Variants in KCNIP4 observed in about 807,000 individuals in gnomAD.
The protein encoded by KCNIP4 is Kv channel-interacting protein 4.
A neutral mutation model predicts 34.0 loss-of-function variants in KCNIP4; 12 were observed. The ratio of observed to expected loss-of-function variants is 0.35; its 90% CI spans 0.23 to 0.57. The LOEUF (loss-of-function observed/expected upper bound fraction) is 0.57. Among genes scored for constraint, KCNIP4 ranks in the 20% least tolerant of loss-of-function variants. The pLI is 0.83. For missense variants in KCNIP4, 238 were observed against 311.7 expected, an observed-to-expected ratio of 0.76 and a Z score of 1.78; for synonymous variants, 124 against 102.2, an observed-to-expected ratio of 1.21 and a Z score of -1.29.
At chr4:20,808,242 T>C (rs1237252517) in intron 3 of KCNIP4, among the ~76,000 whole-genome samples, 1 of 152,124 alleles carries the variant, frequency 6.6e-6, no homozygotes, top group Non-Finnish European at 1.5e-5. Flanking sequence ...AGCGTGACAA[T>C]GCAAAATTCT....
intron 1 of KCNIP4, among the ~76,000 whole-genome samples, chr4:21,742,479 A>T (rs1716481324): frequency 6.6e-6 from 1 of 152,206 alleles, no homozygotes; most frequent in South Asian, 2.1e-4. Flanking sequence ...CTCATTGCAA[A>T]GTAGAAAGCT....
At chr4:21,346,350 T>G (rs1023713598) in intron 1 of KCNIP4, among the ~76,000 whole-genome samples, 28 of 135,526 alleles carry the variant, frequency 2.1e-4, no homozygotes, top group African/African-American at 7.2e-4. Flanking sequence ...TATAATAGCC[T>G]TGTAGCCAAG....
In KCNIP4 at chr4:21,331,684, G is replaced by A. The variant is rs1305773636; in HGVS notation, c.62-448975C>T. Among the ~76,000 whole-genome samples, 8 of 64,048 alleles carry A rather than the reference G, an allele frequency of 1.2e-4. No individual in the cohort carries two copies. In the South Asian group the frequency reaches 4.6e-3, roughly 37 times the overall value. 42.0% of individuals were successfully genotyped at this position (64,048 alleles called of 152,430 possible). A position where few individuals can be genotyped will look rare whatever the true frequency, so the allele number is the denominator to read the frequency against. ...TCACAAGAAATATTGCCTTACATATGTCCTTTTTATGGAACATTCTCTTCT... is the reference window on the plus strand; with the variant it reads ...TCACAAGAAATATTGCCTTACATATATCCTTTTTATGGAACATTCTCTTCT... On this transcript the variant is annotated intron_variant, in intron 1 of 8. Transcript: ENST00000382152.
intron 1 of KCNIP4, among the ~76,000 whole-genome samples, chr4:21,891,413 A>T (rs908436883): frequency 1.3e-5 from 2 of 152,128 alleles, no homozygotes; most frequent in Non-Finnish European, 2.9e-5. Flanking sequence ...ATTCCATAGG[A>T]AAGTTCCATA....
chr4:21,054,974 C>T lies in KCNIP4; in HGVS notation c.62-172265G>A, dbSNP rs114561372. ...TGCTAAAGGAAATGTTAAGAAAATG[C>T]GAGACATCATACACTGCAAGAAAAT... On this transcript the variant is annotated intron_variant, in intron 1 of 8. Transcript: ENST00000382152. Among the ~76,000 whole-genome samples, 4 of 151,824 alleles carry T rather than the reference C, an allele frequency of 2.6e-5. 1 individual carries two copies. Among genetic ancestry groups the T allele is most frequent in the South Asian group, 4.1e-4 (2 of 4,820 alleles).
intron 1 of KCNIP4, among the ~76,000 whole-genome samples, chr4:21,063,485 T>A (rs1744098873): frequency 6.6e-6 from 1 of 152,178 alleles, no homozygotes; most frequent in Non-Finnish European, 1.5e-5. Context: ...ACTTATTAAG[T>A]GTCTTCATCC....
At chr4:20,732,239 GCC>G (rs1206451519) in intron 7 of KCNIP4, among the ~76,000 whole-genome samples, 171 bp from the exon 8 acceptor site, 3 of 152,166 alleles carry the variant, frequency 2.0e-5, no homozygotes, top group Admixed American at 1.3e-4. Context: ...AAATGATAGG[GCC>G]AAATGCTTCT....
At chr4:20,873,419 G>A (rs1270415155) in intron 2 of KCNIP4, among the ~76,000 whole-genome samples, 2 of 152,102 alleles carry the variant, frequency 1.3e-5, no homozygotes, top group Non-Finnish European at 2.9e-5. Context: ...GACTTTTCAA[G>A]CAGTTTCCAA....
intron 1 of KCNIP4, among the ~76,000 whole-genome samples, chr4:21,802,938 A>G (rs1411998230): frequency 6.6e-6 from 1 of 152,150 alleles, no homozygotes; most frequent in African/African-American, 2.4e-5. Context: ...GGGCTTTAAA[A>G]TGGCCAATTA....
At chr4:21,544,853 A>G (rs1366675819) in intron 1 of KCNIP4, among the ~76,000 whole-genome samples, 1 of 151,764 alleles carries the variant, frequency 6.6e-6, no homozygotes, top group East Asian at 2.0e-4. Flanking sequence ...TTCATAATAA[A>G]CTTGCTTCAA....
At chr4:21,722,435 A>C (rs1184690693) in intron 1 of KCNIP4, among the ~76,000 whole-genome samples, 2 of 152,176 alleles carry the variant, frequency 1.3e-5, no homozygotes, top group East Asian at 3.8e-4. Flanking sequence ...AGAGAAAACA[A>C]GGAAATCCCA....
At chr4:21,020,133 C>A (rs991337042) in intron 1 of KCNIP4, among the ~76,000 whole-genome samples, 1 of 152,166 alleles carries the variant, frequency 6.6e-6, no homozygotes. Flanking sequence ...TAATACTTAT[C>A]TAGCCCTTAA....
At chr4:21,497,863 C>T (rs530368973) in intron 1 of KCNIP4, among the ~76,000 whole-genome samples, 12 of 152,092 alleles carry the variant, frequency 7.9e-5, no homozygotes, top group African/African-American at 2.7e-4. Flanking sequence ...ACAATAAAAA[C>T]GTCATATCCA....
intron 1 of KCNIP4, among the ~76,000 whole-genome samples, chr4:21,493,769 G>C (rs1280587857): frequency 6.6e-6 from 1 of 152,138 alleles, no homozygotes; most frequent in Non-Finnish European, 1.5e-5. Context: ...GTAGATCTAA[G>C]ACTCCCTACC....
At chr4:20,746,848 C>G (rs187380186) in intron 5 of KCNIP4, among the ~76,000 whole-genome samples, 63 of 152,222 alleles carry the variant, frequency 4.1e-4, no homozygotes, top group African/African-American at 1.3e-3. Flanking sequence ...TCCCATTACC[C>G]TTTATCGTAG....
intron 1 of KCNIP4, among the ~76,000 whole-genome samples, chr4:21,811,649 A>T (rs1400491093): frequency 1.3e-5 from 2 of 152,218 alleles, no homozygotes; most frequent in African/African-American, 2.4e-5. Context: ...ACAGCCTTGT[A>T]GACACATCTG....
intron 3 of KCNIP4, among the ~76,000 whole-genome samples, chr4:20,842,581 C>CAAAAAAAAAAAAAAAAAAAAA (rs59134256): frequency 5.7e-5 from 4 of 69,688 alleles, no homozygotes; most frequent in African/African-American, 2.3e-4. Flanking sequence ...CTTCTAATGG[C>CAAAAAAAAAAAAAAAAAAAAA]AAAAAAAAAA....
Position 20,864,866 on chromosome 4 carries a change from G to T in KCNIP4, c.164-14199C>A, listed in dbSNP as rs1722711816. ...TTTTTCATTCCTACTGCAGCACTTTGTCAGATGCCTGCCTCAGTATCTTTT... is the reference window on the plus strand; with the variant it reads ...TTTTTCATTCCTACTGCAGCACTTTTTCAGATGCCTGCCTCAGTATCTTTT... On this transcript the variant is annotated intron_variant, in intron 2 of 8. Coordinates refer to ENST00000382152, the MANE Select transcript of KCNIP4 (RefSeq NM_025221.6). Among the ~76,000 whole-genome samples, 4 of 152,066 alleles carry T rather than the reference G, an allele frequency of 2.6e-5. No homozygotes were observed. The South Asian group carries it at 6.2e-4, about 24-fold the overall frequency.
At chr4:21,099,261 A>G (rs547137742) in intron 1 of KCNIP4, among the ~76,000 whole-genome samples, 46 of 152,298 alleles carry the variant, frequency 3.0e-4, no homozygotes, top group African/African-American at 1.1e-3. Flanking sequence ...AATGTGGTAC[A>G]TATAAACCAT....
Sources: gnomAD v4.1 joint callset for allele counts (sites outside exome capture counted in the v4.1 genomes callset) on GRCh38, gnomAD v4.1.1 for gene constraint, MANE v1.5 for transcripts, NCBI Gene and HGNC (gene_info 2026-07-23, HGNC 2026-07-21) for gene names.